HRNR: variants seen among roughly 807,000 people sequenced by gnomAD.
The protein encoded by HRNR is filaggrin family member 3.
Under a neutral mutation model 4.8 loss-of-function variants are expected in HRNR, and 7 were observed. The ratio of observed to expected loss-of-function variants is 1.47; its 90% CI spans 0.83 to 2.75. HRNR has a LOEUF of 2.75. Ranked by LOEUF, HRNR falls within the 30% of genes most tolerant of loss-of-function variation. The probability of loss-of-function intolerance (pLI) is 0.00; values close to 1 mark genes in which losing one functional copy is unlikely to be tolerated. For missense variants in HRNR, 2,879 were observed against 3,010.4 expected (o/e 0.96, Z 1.02); for synonymous variants, 1,023 against 1,242.7 (o/e 0.82, Z 3.72).
Position 152,218,474 on chromosome 1 carries a change from T to C in HRNR, c.3155A>G (p.His1052Arg), listed in dbSNP as rs748737289. 6.2e-7 allele frequency: 1 copy of C among 1,613,456 alleles called. No individual in the cohort carries two copies. Among genetic ancestry groups the C allele is most frequent in the South Asian group, 1.1e-5 (1 of 91,036 alleles). Residue 1052 changes from histidine (H) to arginine (R), a missense_variant, in exon 3 of 3, where the codon CAC becomes CGC. Transcript: ENST00000368801. ...SGSGHSSGLG[H>R]RESRSGQSSG... ...GGACTGTCCTGAGCGAGACTCTCGG[T>C]GACCTAAGCCAGAAGAGTGACCGGA... is the stretch of plus-strand genomic sequence containing the variant.
chr1:152,212,761 C>A lies in HRNR; in HGVS notation c.*315G>T. The A allele has an allele frequency of 2.5e-6, 1 of 392,368 alleles. No homozygotes were observed. Among genetic ancestry groups the A allele is most frequent in the Non-Finnish European group, 4.5e-6 (1 of 220,384 alleles). 24.3% of individuals were successfully genotyped at this position (392,368 alleles called of 1,614,324 possible). On this transcript the variant is annotated 3_prime_UTR_variant, in exon 3 of 3. Transcript: ENST00000368801. ...CATCTATAAATGAATGATGAGCTCT[C>A]AAAAAGACAACTCCAACTAAACCCA...
In HRNR at chr1:152,218,863, A is replaced by T. The variant is rs377181397; in HGVS notation, c.2766T>A (p.His922Gln). 7 of 1,613,656 alleles carry T rather than the reference A, an allele frequency of 4.3e-6. No individual in the cohort carries two copies. The highest frequency in any genetic ancestry group is 2.2e-5 in the South Asian group (2 of 91,012). The change falls in exon 3 of 3, where the codon CAT becomes CAA. Residue 922 changes from histidine to glutamine, a missense_variant. His to Gln is a conservative substitution (Grantham distance 24). This residue lies in a region of HRNR where 2,646 missense variants were observed against 1,377.7 expected (regional missense o/e 1.92). Coordinates refer to ENST00000368801, the MANE Select transcript of HRNR (RefSeq NM_001009931.3). The part of the protein sequence containing the change: ...GSGRSSSSGR[H>Q]GSGSGQSSGF... The stretch of plus-strand genomic sequence containing the variant: ...CAGAAGACTGGCCTGAGCCAGACCC[A>T]TGTCGGCCACTGCTGGAAGACCGAC...
chr1:152,219,640 G>C lies in HRNR; in HGVS notation c.1989C>G (p.Gly663=). 1 of 1,612,994 alleles carries C rather than the reference G, an allele frequency of 6.2e-7. No homozygotes were observed. ...AGTGCCCAAAATCGGACCCATGTCG[G>C]CCGCGACTAGGAGACTGGCCAGATC... is the stretch of plus-strand genomic sequence containing the variant. The part of the protein sequence containing the change: ...GSGSGQSPSR[G]RHGSDFGHSS... Residue 663 remains glycine (G), a synonymous_variant, in exon 3 of 3, where the codon GGC becomes GGG. Transcript: ENST00000368801.
Position 152,212,801 on chromosome 1 carries a change from C to T in HRNR, c.*275G>A. The T allele has an allele frequency of 1.2e-5, 6 of 496,380 alleles. No homozygotes were observed. Among genetic ancestry groups the T allele is most frequent in the Non-Finnish European group, 1.8e-5 (5 of 284,480 alleles). 30.7% of individuals were successfully genotyped at this position (496,380 alleles called of 1,614,324 possible). A position where few individuals can be genotyped will look rare whatever the true frequency, so the allele number is the denominator to read the frequency against. ...AACTAAACCCAAAGCTCTTTAAAAGCTTTTCATTATTCCTCAAAGTTTAAC... is the reference window on the plus strand; with the variant it reads ...AACTAAACCCAAAGCTCTTTAAAAGTTTTTCATTATTCCTCAAAGTTTAAC... On this transcript the variant is annotated 3_prime_UTR_variant, in exon 3 of 3. Coordinates refer to ENST00000368801, the MANE Select transcript of HRNR (RefSeq NM_001009931.3).
Position 152,219,223 on chromosome 1 carries a change from G to C in HRNR, c.2406C>G (p.Ser802=). 1 of 1,613,610 alleles carries C rather than the reference G, an allele frequency of 6.2e-7. No individual in the cohort carries two copies. Among genetic ancestry groups the C allele is most frequent in the Non-Finnish European group, 8.5e-7 (1 of 1,179,834 alleles). ...GQHGSGTSCS[S]SCGHYESGSG... ...AGCCAGACTCATAATGGCCACAGCT[G>C]GAAGAACAACTTGTGCCAGACCCGT... The change falls in exon 3 of 3, where the codon TCC becomes TCG. Residue 802 remains serine, a synonymous_variant. Coordinates refer to ENST00000368801, the MANE Select transcript of HRNR (RefSeq NM_001009931.3).
chr1:152,219,411 C>T lies in HRNR; in HGVS notation c.2218G>A (p.Glu740Lys), dbSNP rs767894889. Residue 740 changes from glutamate to lysine, a missense_variant, in exon 3 of 3, where the codon GAA (glutamate) becomes AAA (lysine). By Grantham distance (56) the Glu-to-Lys change is moderately conservative. Transcript: ENST00000368801. ...AAACCTGAGCTAGATCCGTGTTGTTCACTCCTAGATGACTGTCCTGACCTA... is the reference window on the plus strand; with the variant it reads ...AAACCTGAGCTAGATCCGTGTTGTTTACTCCTAGATGACTGTCCTGACCTA... ...GSRSGQSSRS[E>K]QHGSSSGLSS... 2 of 1,614,110 alleles carry T rather than the reference C, an allele frequency of 1.2e-6. No individual in the cohort carries two copies. Among genetic ancestry groups the T allele is most frequent in the Non-Finnish European group, 1.7e-6 (2 of 1,180,016 alleles).
At position 152,213,140 on chromosome 1, in the gene HRNR, CTG is replaced by C. The variant is rs1648450230; in HGVS notation, c.8487_8488del (p.Ser2830PhefsTer3). On this transcript the variant is annotated frameshift_variant, in exon 3 of 3. Transcript: ENST00000368801. LOFTEE classifies it low-confidence loss of function (END_TRUNC). ...ATAGGGTGAAGTGCTACTAGGAAAACTGAGAAAATATGAGCCAGAACTTCCCC... is the reference window on the plus strand; with the variant it reads ...ATAGGGTGAAGTGCTACTAGGAAAACAGAAAATATGAGCCAGAACTTCCCC... 6 of 1,613,880 alleles carry C rather than the reference CTG, an allele frequency of 3.7e-6. No homozygotes were observed. Among genetic ancestry groups the C allele is most frequent in the South Asian group, 1.1e-5 (1 of 91,080 alleles).
Position 152,219,106 on chromosome 1 carries a change from C to T in HRNR, c.2523G>A (p.Gln841=). The part of the protein sequence containing the change: ...HGSASGHFSS[Q]GRHGSTSGQS... ...GCCCTGACGTAGATCCATGTCGTCC[C>T]TGGCTAGAGAAGTGACCTGAGGCAG... is the stretch of plus-strand genomic sequence containing the variant. Residue 841 remains glutamine (Q), a synonymous_variant, in exon 3 of 3, where the codon CAG becomes CAA. Coordinates refer to ENST00000368801, the MANE Select transcript of HRNR (RefSeq NM_001009931.3). 8.7e-6 allele frequency: 14 copies of T among 1,613,522 alleles called. No individual in the cohort carries two copies. The highest frequency in any genetic ancestry group is 1.3e-5 in the African/African-American group (1 of 74,790).
Position 152,220,300 on chromosome 1 carries a change from C to CCGG in HRNR, c.1328_1329insCCG (p.Gly443_Thr444insArg). On this transcript the variant is annotated inframe_insertion, in exon 3 of 3. Coordinates refer to ENST00000368801, the MANE Select transcript of HRNR (RefSeq NM_001009931.3). ...TGCTGGAAGATCGACCAAAGCCAGT[C>CCGG]CCATGTTGGCCGGAGCTGGGAGACT... The CCGG allele has an allele frequency of 6.2e-7, 1 of 1,613,958 alleles. No individual in the cohort carries two copies. The highest frequency in any genetic ancestry group is 8.5e-7 in the Non-Finnish European group (1 of 1,179,980).
Position 152,219,117 on chromosome 1 carries a change from A to G in HRNR, c.2512T>C (p.Phe838Leu). 1.2e-6 allele frequency: 2 copies of G among 1,613,688 alleles called. No homozygotes were observed. Among genetic ancestry groups the G allele is most frequent in the Middle Eastern group, 1.7e-4 (1 of 6,058 alleles). The change falls in exon 3 of 3, where the codon TTC becomes CTC. Residue 838 changes from phenylalanine (F) to leucine (L), a missense_variant. This residue lies in a region of HRNR where 2,646 missense variants were observed against 1,377.7 expected (regional missense o/e 1.92). Transcript: ENST00000368801. ...YSQHGSASGH[F>L]SSQGRHGSTS... ...GATCCATGTCGTCCCTGGCTAGAGA[A>G]GTGACCTGAGGCAGAACCATGCTGA...
Position 152,219,715 on chromosome 1 carries a change from C to T in HRNR, c.1914G>A (p.Gln638=). ...AAGACTGACTTGAGCCAGAGCCATG[C>T]TGACCGTGGCTGGAAGACTGACCTG... ...ATSGQSSSHG[Q]HGSGSSQSSR... is the part of the protein sequence containing the mutation. The change falls in exon 3 of 3, where the codon CAG becomes CAA. Residue 638 remains glutamine, a synonymous_variant. Coordinates refer to ENST00000368801, the MANE Select transcript of HRNR (RefSeq NM_001009931.3). 1.2e-6 allele frequency: 2 copies of T among 1,613,512 alleles called. No homozygotes were observed. Among genetic ancestry groups the T allele is most frequent in the Non-Finnish European group, 8.5e-7 (1 of 1,179,604 alleles).
Position 152,218,564 on chromosome 1 carries a change from G to C in HRNR, c.3065C>G (p.Ser1022Cys), listed in dbSNP as rs1428967194. Residue 1022 changes from serine to cysteine, a missense_variant, in exon 3 of 3, where the codon TCC (serine) becomes TGC (cysteine). Physicochemically the swap from Ser to Cys is moderately radical, Grantham distance 112 (BLOSUM62 -1). Transcript: ENST00000368801. ...GCCAGACCTATATGGGCCATAGCTG[G>C]AAGACTGCCCGGAACCAGACCCATG... ...GRHGSGSGQS[S>C]SYGPYRSGSG... is the part of the protein sequence containing the mutation. 2 of 1,613,762 alleles carry C rather than the reference G, an allele frequency of 1.2e-6. No individual in the cohort carries two copies. Among genetic ancestry groups the C allele is most frequent in the Non-Finnish European group, 1.7e-6 (2 of 1,179,962 alleles).
chr1:152,223,041 C>T lies in HRNR; in HGVS notation c.138+75G>A, dbSNP rs1215064549. The T allele has an allele frequency of 2.2e-5, 31 of 1,428,764 alleles. No individual in the cohort carries two copies. In the South Asian group the frequency reaches 3.3e-4, roughly 15 times the overall value. 88.5% of individuals were successfully genotyped at this position (1,428,764 alleles called of 1,614,324 possible). ...AAGGACAATCCTCTAGGATGTTTGA[C>T]ATATGTGACAAGAAGGTGGAAAGGG... On this transcript the variant is annotated intron_variant, in intron 2 of 2. Transcript: ENST00000368801.
Position 152,218,481 on chromosome 1 carries a change from A to G in HRNR, c.3148T>C (p.Leu1050=). The change falls in exon 3 of 3, where the codon TTA becomes CTA. Residue 1050 remains leucine (L), a synonymous_variant. Coordinates refer to ENST00000368801, the MANE Select transcript of HRNR (RefSeq NM_001009931.3). ...CCTGAGCGAGACTCTCGGTGACCTAAGCCAGAAGAGTGACCGGAGCCAGAC... is the reference window on the plus strand; with the variant it reads ...CCTGAGCGAGACTCTCGGTGACCTAGGCCAGAAGAGTGACCGGAGCCAGAC... ...YESGSGHSSG[L]GHRESRSGQS... The G allele has an allele frequency of 3.1e-6, 5 of 1,613,342 alleles. No homozygotes were observed. In the African/African-American group the frequency reaches 4.0e-5, roughly 13 times the overall value.
Position 152,212,581 on chromosome 1 carries a change from C to A in HRNR, c.*495G>T. ...TGCATCTTTGCTTTCAGAGCCTTCA[C>A]CTTCTGCCACAATACCAAAAATTGG... On this transcript the variant is annotated 3_prime_UTR_variant, in exon 3 of 3. Coordinates refer to ENST00000368801, the MANE Select transcript of HRNR (RefSeq NM_001009931.3). 6.0e-6 allele frequency: 1 copy of A among 166,248 alleles called. No homozygotes were observed. The highest frequency in any genetic ancestry group is 1.3e-5 in the Non-Finnish European group (1 of 76,412). The allele number at this position is 166,248 out of a possible 1,614,324, so 10.3% of individuals were successfully genotyped here. A position where few individuals can be genotyped will look rare whatever the true frequency, so the allele number is the denominator to read the frequency against.
In HRNR at chr1:152,219,649, A is replaced by G. The variant is rs759054526; in HGVS notation, c.1980T>C (p.Pro660=). 1.2e-6 allele frequency: 2 copies of G among 1,612,980 alleles called. No individual in the cohort carries two copies. Among genetic ancestry groups the G allele is most frequent in the Non-Finnish European group, 1.7e-6 (2 of 1,179,328 alleles). The part of the protein sequence containing the change: ...GQQGSGSGQS[P]SRGRHGSDFG... ...AATCGGACCCATGTCGGCCGCGACT[A>G]GGAGACTGGCCAGATCCAGAGCCCT... is the stretch of plus-strand genomic sequence containing the variant. Residue 660 remains proline (P), a synonymous_variant, in exon 3 of 3, where the codon CCT becomes CCC. Transcript: ENST00000368801.
rs1452947810 is a variant in HRNR, at chr1:152,219,978, C to G, written c.1651G>C (p.Gly551Arg). The part of the protein sequence containing the change: ...PSPSRGRHES[G>R]SRQSSSYGPH... ...CCATAGCTGGAAGACTGCCTGGAACCAGACTCATGTCGGCCACGGCTAGGG... is the reference window on the plus strand; with the variant it reads ...CCATAGCTGGAAGACTGCCTGGAACGAGACTCATGTCGGCCACGGCTAGGG... The change falls in exon 3 of 3, where the codon GGT (glycine) becomes CGT (arginine). Residue 551 changes from glycine (G) to arginine (R), a missense_variant. Gly to Arg is a moderately radical substitution (Grantham distance 125). Around this residue, in one of 8 missense-constraint regions of HRNR, gnomAD observed 2,646 missense variants for 1,377.7 expected, o/e 1.92. Coordinates refer to ENST00000368801, the MANE Select transcript of HRNR (RefSeq NM_001009931.3). 1.2e-6 allele frequency: 2 copies of G among 1,613,686 alleles called. No individual in the cohort carries two copies. The highest frequency in any genetic ancestry group is 1.3e-5 in the African/African-American group (1 of 74,778).
In HRNR at chr1:152,213,170, T is replaced by A. The variant is rs142275855; in HGVS notation, c.8459A>T (p.Asp2820Val). Residue 2820 changes from aspartate to valine, a missense_variant, in exon 3 of 3, where the codon GAT becomes GTT. Around this residue, in one of 8 missense-constraint regions of HRNR, gnomAD observed 158 missense variants for 107.6 expected, o/e 1.47. Transcript: ENST00000368801. ...AAAATATGAGCCAGAACTTCCCCCA[T>A]CATGGTTACTTCCTCCTTTGCAATA... ...YSYCKGGSNH[D>V]GGSSGSYFLS... 7.7e-5 allele frequency: 124 copies of A among 1,614,054 alleles called. No individual in the cohort carries two copies. The African/African-American group carries it at 1.1e-3, about 15-fold the overall frequency.
Position 152,220,767 on chromosome 1 carries a change from A to T in HRNR, c.862T>A (p.Ser288Thr), listed in dbSNP as rs150800529. ...TGGCCCAAAGACTGACGGGAACCAG[A>T]CCCATGCTGACCATAGCTGGAAGAC... ...GSSSSYGQHG[S>T]GSRQSLGHGR... Residue 288 changes from serine to threonine, a missense_variant, in exon 3 of 3, where the codon TCT (serine) becomes ACT (threonine). Coordinates refer to ENST00000368801, the MANE Select transcript of HRNR (RefSeq NM_001009931.3). 2.8e-4 allele frequency: 458 copies of T among 1,614,118 alleles called. No homozygotes were observed. The highest frequency in any genetic ancestry group is 1.3e-3 in the Admixed American group (78 of 60,016).
Sources: gnomAD v4.1 joint callset for allele counts on GRCh38, gnomAD v4.1.1 for gene constraint, gnomAD v4.1.1 regional missense constraint, MANE v1.5 for transcripts, NCBI Gene and HGNC (gene_info 2026-07-23, HGNC 2026-07-21) for gene names.